CCSER1: variants seen among roughly 807,000 people sequenced by gnomAD.
The protein encoded by CCSER1 is serine-rich coiled-coil domain-containing protein 1.
In CCSER1, 41 loss-of-function variants were observed where a neutral mutation model predicts 82.0. The ratio of observed to expected loss-of-function variants is 0.50; its 90% CI spans 0.39 to 0.65. The LOEUF (loss-of-function observed/expected upper bound fraction) is 0.65, where lower values mean the gene tolerates loss of function less well. Ranked by LOEUF, CCSER1 falls within the 30% of genes least tolerant of loss-of-function variation. The pLI is 0.00. For missense variants in CCSER1, 1,119 were observed against 1,064.2 expected (o/e 1.05, Z -0.72); for synonymous variants, 414 against 383.9 (o/e 1.08, Z -0.92).
At chr4:90,363,800 A>G (rs1160652317) in intron 3 of CCSER1, among the ~76,000 whole-genome samples, 2 of 152,096 alleles carry the variant, frequency 1.3e-5, no homozygotes, top group African/African-American at 4.8e-5. Context: ...TTATTAGAGC[A>G]GAGCCTTTCT....
chr4:90,494,106 G>T (rs1298106023), intron 5 of CCSER1, among the ~76,000 whole-genome samples: 1 of 152,126 alleles, frequency 6.6e-6, no homozygotes, highest in Non-Finnish European at 1.5e-5. Context: ...AAAGGCAGGG[G>T]TTGCAATCCT....
In CCSER1 at chr4:91,423,500, G is replaced by T. The variant is rs1340603073; in HGVS notation, c.2218-175072G>T. The stretch of plus-strand genomic sequence containing the variant: ...CATAATTAGGAACCTGATAATCAGA[G>T]GTTTGCTTAGCAAAAATAGGTGAAA... On this transcript the variant is annotated intron_variant, in intron 10 of 10. Transcript: ENST00000509176. 1.3e-5 allele frequency among the ~76,000 whole-genome samples: 2 copies of T among 151,964 alleles called. 1 individual carries two copies. The highest frequency in any genetic ancestry group is 4.8e-5 in the African/African-American group (2 of 41,350).
chr4:91,289,369 C>T (rs1743574666), intron 10 of CCSER1, among the ~76,000 whole-genome samples: 1 of 151,942 alleles, frequency 6.6e-6, no homozygotes, highest in Non-Finnish European at 1.5e-5. Context: ...ATAAAAGAAT[C>T]AACAGAATCA....
In CCSER1 at chr4:91,139,206, C is replaced by T. The variant is rs566896227; in HGVS notation, c.2217+53212C>T. 2.0e-5 allele frequency among the ~76,000 whole-genome samples: 3 copies of T among 152,214 alleles called. No individual in the cohort carries two copies. In the South Asian group the frequency reaches 6.2e-4, roughly 32 times the overall value. ...GCTGAATCCATGTTGCTGTAAGGTA[C>T]ATGATGTTTTCATTCTTTTTTATGG... On this transcript the variant is annotated intron_variant, in intron 10 of 10. Coordinates refer to ENST00000509176, the MANE Select transcript of CCSER1 (RefSeq NM_001145065.2).
intron 6 of CCSER1, among the ~76,000 whole-genome samples, chr4:90,717,760 A>C (rs1243921359): frequency 1.4e-5 from 2 of 145,028 alleles, no homozygotes; most frequent in African/African-American, 5.1e-5. Context: ...ATATATACAC[A>C]CATATATAGT....
chr4:91,412,849 T>C (rs1027052426), intron 10 of CCSER1, among the ~76,000 whole-genome samples: 6 of 151,578 alleles, frequency 4.0e-5, no homozygotes, highest in African/African-American at 4.8e-5. Context: ...ATGAAACAAA[T>C]AAAGCTCCAG....
intron 1 of CCSER1, among the ~76,000 whole-genome samples, chr4:90,216,088 C>T (rs1215134306): frequency 6.6e-6 from 1 of 152,118 alleles, no homozygotes; most frequent in Admixed American, 6.6e-5. Context: ...GGAGCAGAAA[C>T]TTTTTATATA....
chr4:91,168,569 T>C (rs1189205213), intron 10 of CCSER1, among the ~76,000 whole-genome samples: 1 of 90,398 alleles, frequency 1.1e-5, no homozygotes, highest in African/African-American at 4.4e-5. Context: ...CATCTGGGAA[T>C]TGAGGAGCGC....
At chr4:91,077,988 C>T (rs1722198375) in intron 9 of CCSER1, among the ~76,000 whole-genome samples, 1 of 152,238 alleles carries the variant, frequency 6.6e-6, no homozygotes, top group Admixed American at 6.5e-5. Context: ...GGAGGCCCGC[C>T]TGCCTCTGTA....
At chr4:90,547,677 T>A (rs1197316487) in intron 5 of CCSER1, among the ~76,000 whole-genome samples, 5 of 152,132 alleles carry the variant, frequency 3.3e-5, no homozygotes, top group Non-Finnish European at 7.4e-5. Flanking sequence ...AATATCCTAG[T>A]TCTTTCTCTA....
chr4:90,263,620 G>C (rs1724722001), intron 1 of CCSER1, among the ~76,000 whole-genome samples: 1 of 152,134 alleles, frequency 6.6e-6, no homozygotes, highest in Non-Finnish European at 1.5e-5. Context: ...TAGAGATGCT[G>C]TAATGGCCCG....
chr4:90,362,600 T>G (rs750705061), intron 3 of CCSER1, among the ~76,000 whole-genome samples: 17 of 152,150 alleles, frequency 1.1e-4, no homozygotes, highest in Non-Finnish European at 2.9e-5. Flanking sequence ...TGGGACCAAA[T>G]TAGTTAGAAA....
intron 1 of CCSER1, among the ~76,000 whole-genome samples, chr4:90,211,128 G>A (rs1739911461): frequency 6.6e-6 from 1 of 151,898 alleles, no homozygotes; most frequent in South Asian, 2.1e-4. Flanking sequence ...TTTCAATTTT[G>A]GGGAAAAAGA....
chr4:90,566,702 A>G (rs537865568), intron 5 of CCSER1, among the ~76,000 whole-genome samples: 4 of 150,730 alleles, frequency 2.7e-5, no homozygotes, highest in East Asian at 2.0e-4. Context: ...TCCAGGGTTC[A>G]CGCCATTCTC....
chr4:91,473,526 T>A (rs1248992826), intron 10 of CCSER1, among the ~76,000 whole-genome samples: 4 of 152,002 alleles, frequency 2.6e-5, no homozygotes, highest in Non-Finnish European at 4.4e-5. Flanking sequence ...AAGAACAGGG[T>A]TTTTGGATTC....
chr4:91,493,802 T>C lies in CCSER1; in HGVS notation c.2218-104770T>C, dbSNP rs963558870. On this transcript the variant is annotated intron_variant, in intron 10 of 10. Transcript: ENST00000509176. Reference sequence around the variant, plus strand: ...TAATGTCATTAATTTCTTTTCTAGATACCACAAATATCTAATTTTTTTTAA... The same window carrying C: ...TAATGTCATTAATTTCTTTTCTAGACACCACAAATATCTAATTTTTTTTAA... Among the ~76,000 whole-genome samples the C allele has an allele frequency of 3.3e-5, 5 of 151,894 alleles. No homozygotes were observed. The East Asian group carries it at 9.7e-4, about 29-fold the overall frequency.
chr4:91,368,302 C>T (rs548511839), intron 10 of CCSER1, among the ~76,000 whole-genome samples: 2 of 152,146 alleles, frequency 1.3e-5, no homozygotes, highest in Admixed American at 1.3e-4. Context: ...TAATATGCTC[C>T]ATTTGGTCTA....
chr4:90,875,572 ACATTTTATAGG>A (rs1188769090), intron 8 of CCSER1, among the ~76,000 whole-genome samples: 4 of 152,196 alleles, frequency 2.6e-5, no homozygotes, highest in Non-Finnish European at 5.9e-5. Flanking sequence ...AAGATATGTG[ACATTTTATAGG>A]CATTTTGTAA....
intron 10 of CCSER1, among the ~76,000 whole-genome samples, chr4:91,504,640 C>A (rs1759388657): frequency 6.6e-6 from 1 of 151,896 alleles, no homozygotes; most frequent in Non-Finnish European, 1.5e-5. Flanking sequence ...GGATAAATTG[C>A]AAAACTATCA....
Sources: gnomAD v4.1 joint callset for allele counts (sites outside exome capture counted in the v4.1 genomes callset) on GRCh38, gnomAD v4.1.1 for gene constraint, MANE v1.5 for transcripts, NCBI Gene and HGNC (gene_info 2026-07-23, HGNC 2026-07-21) for gene names.